The following COL21A1 variants were observed in gnomAD, a reference collection of about 807,000 sequenced individuals.
COL21A1 encodes collagen type XXI alpha 1 chain, also known as collagen alpha-1(XXI) chain.
In COL21A1, 149 loss-of-function variants were observed where a neutral mutation model predicts 137.9. The ratio of observed to expected loss-of-function variants is 1.08; its 90% CI spans 0.95 to 1.24. COL21A1 has a LOEUF of 1.24. COL21A1 is among the 50% of genes most tolerant of loss of function. The probability of loss-of-function intolerance (pLI) is 0.00; values close to 1 mark genes in which losing one functional copy is unlikely to be tolerated. For missense variants in COL21A1, 1,167 were observed against 1,158.4 expected (o/e 1.01, Z -0.11); for synonymous variants, 456 against 391.5 (o/e 1.16, Z -1.95).
chr6:56,178,923 GAA>G (rs1777688244), intron 3 of COL21A1, among the ~76,000 whole-genome samples: 1 of 152,014 alleles, frequency 6.6e-6, no homozygotes, highest in Admixed American at 6.5e-5. Context: ...AAGAAATAAT[GAA>G]ATTCTAGCTC....
At chr6:56,245,100 G>A (rs1782565914) in intron 1 of COL21A1, among the ~76,000 whole-genome samples, 1 of 151,740 alleles carries the variant, frequency 6.6e-6, no homozygotes, top group South Asian at 2.1e-4. Context: ...AACTGGATAG[G>A]GTTTCCTTTA....
intron 14 of COL21A1, among the ~76,000 whole-genome samples, chr6:56,124,627 G>C (rs4715579): frequency 4.0e-5 from 6 of 149,218 alleles, no homozygotes; most frequent in African/African-American, 1.5e-4. Context: ...CAGTGGACAT[G>C]TTTTTTGTTT....
At chr6:56,211,138 T>A (rs1217654732) in intron 1 of COL21A1, among the ~76,000 whole-genome samples, 1 of 147,366 alleles carries the variant, frequency 6.8e-6, no homozygotes, top group Non-Finnish European at 1.5e-5. Flanking sequence ...CAAGAGCAAA[T>A]TCTATATTTG....
At chr6:56,064,691 A>G in intron 23 of COL21A1, 69 bp from the exon 24 acceptor site, 1 of 939,396 alleles carries the variant, frequency 1.1e-6, no homozygotes. Context: ...TGCAATACAA[A>G]CTATGTATTA....
chr6:56,230,705 C>T (rs1781507450), intron 1 of COL21A1, among the ~76,000 whole-genome samples: 1 of 151,514 alleles, frequency 6.6e-6, no homozygotes, highest in South Asian at 2.1e-4. Context: ...TAACTCCTTA[C>T]CACATGCTTA....
chr6:56,292,392 C>CCT lies in COL21A1; in HGVS notation c.-39+101578_-39+101579insAG, dbSNP rs1554179582. Among the ~76,000 whole-genome samples, 56 of 39,342 alleles carry CCT rather than the reference C, an allele frequency of 1.4e-3. 2 individuals are homozygous for CCT. The Admixed American group carries it at 0.023, about 16-fold the overall frequency. 25.8% of individuals were successfully genotyped at this position (39,342 alleles called of 152,430 possible). The stretch of plus-strand genomic sequence containing the variant: ...GTAATTAATATCAACAAAACAGGGA[C>CCT]CCCCCCCCTCCCCCGCCAAAGAGAG... On this transcript the variant is annotated intron_variant, in intron 1 of 28. Transcript: ENST00000370819.
intron 1 of COL21A1, among the ~76,000 whole-genome samples, chr6:56,188,401 T>C (rs1285437557): frequency 6.6e-6 from 1 of 152,190 alleles, no homozygotes; most frequent in Non-Finnish European, 1.5e-5. Flanking sequence ...ACAATCAATA[T>C]ACAAGTTGTG....
intron 1 of COL21A1, among the ~76,000 whole-genome samples, chr6:56,318,474 C>T (rs959087933): frequency 6.6e-6 from 1 of 152,120 alleles, no homozygotes; most frequent in Non-Finnish European, 1.5e-5. Flanking sequence ...CTTCACCACT[C>T]TTATAACTCT....
rs2093994578 is a variant in COL21A1 at position 56,373,913 on chromosome 6, T to C, written c.-39+20058A>G. Among the ~76,000 whole-genome samples the C allele has an allele frequency of 2.0e-5, 3 of 152,364 alleles. No homozygotes were observed. The South Asian group carries it at 6.2e-4, about 32-fold the overall frequency. ...TCCTCGTAAACAGGCTTTTAATAAA[T>C]TTATTTTCTGCTTAAATCATCCAGA... On this transcript the variant is annotated intron_variant, in intron 1 of 28. Transcript: ENST00000370819.
At chr6:56,382,861 T>C (rs2094011100) in intron 1 of COL21A1, among the ~76,000 whole-genome samples, 1 of 152,168 alleles carries the variant, frequency 6.6e-6, no homozygotes, top group Non-Finnish European at 1.5e-5. Context: ...ACCAAGGCAC[T>C]GCCTCTCCTT....
rs532822117 is a variant in COL21A1, at chr6:56,304,108, T to A, written c.-39+89863A>T. ...CACTTGATCATGGTGGATAAGCTTT[T>A]TGACGTGCTGCTGGATTCGGTTTGT... On this transcript the variant is annotated intron_variant, in intron 1 of 28. Coordinates refer to the COL21A1 transcript ENST00000370819. Among the ~76,000 whole-genome samples the A allele has an allele frequency of 2.2e-3, 337 of 152,360 alleles. 2 individuals are homozygous for A. The highest frequency in any genetic ancestry group is 7.7e-3 in the African/African-American group (320 of 41,578).
chr6:56,172,810 A>T (rs551422921), intron 3 of COL21A1, among the ~76,000 whole-genome samples: 1 of 152,304 alleles, frequency 6.6e-6, no homozygotes, highest in African/African-American at 2.4e-5. Flanking sequence ...GAATATTTAT[A>T]TGTAATTTAA....
intron 16 of COL21A1, among the ~76,000 whole-genome samples, chr6:56,105,121 A>G (rs1770773060): frequency 6.6e-6 from 1 of 152,174 alleles, no homozygotes; most frequent in African/African-American, 2.4e-5. Context: ...CAGACAGGAC[A>G]TTTGGAAGGT....
chr6:56,332,681 T>A (rs1314920441), intron 1 of COL21A1, among the ~76,000 whole-genome samples: 1 of 151,822 alleles, frequency 6.6e-6, no homozygotes, highest in East Asian at 1.9e-4. Flanking sequence ...AACACTAGGT[T>A]ATATGTTTTT....
intron 1 of COL21A1, among the ~76,000 whole-genome samples, chr6:56,320,121 A>G (rs1276890028): frequency 3.9e-5 from 6 of 151,940 alleles, no homozygotes; most frequent in Admixed American, 3.9e-4. Context: ...CCATCCCCCA[A>G]ATTATGTCTC....
rs992882562 is a variant in COL21A1, at chr6:56,059,180, G to T, written c.2671C>A (p.Pro891Thr). ...CAATTCTCACCTGGGGGACCAGGAG[G>T]ACCTTGTTCTCCAGGATACCCAAAC... ...QGFGYPGEQGPPGPPGPEGPP... is the reference protein window; with the variant it reads ...QGFGYPGEQGTPGPPGPEGPP... The change falls in exon 29 of 30, where the codon CCT (proline) becomes ACT (threonine). Residue 891 changes from proline (P) to threonine (T), a missense_variant. By Grantham distance (38) the Pro-to-Thr change is conservative (BLOSUM62 -1). Transcript: ENST00000244728. The T allele has an allele frequency of 6.2e-7, 1 of 1,611,772 alleles. No homozygotes were observed. Among genetic ancestry groups the T allele is most frequent in the African/African-American group, 1.3e-5 (1 of 74,768 alleles).
intron 1 of COL21A1, among the ~76,000 whole-genome samples, chr6:56,262,697 G>T (rs1763306330): frequency 6.6e-6 from 1 of 152,080 alleles, no homozygotes; most frequent in African/African-American, 2.4e-5. Flanking sequence ...TTTGTGACAA[G>T]CTACAAACTT....
At chr6:56,216,192 A>T (rs1391335930) in intron 1 of COL21A1, among the ~76,000 whole-genome samples, 3 of 152,112 alleles carry the variant, frequency 2.0e-5, no homozygotes, top group African/African-American at 7.2e-5. Flanking sequence ...GACAGAACAC[A>T]TGTGGAACAC....
intron 1 of COL21A1, among the ~76,000 whole-genome samples, chr6:56,201,293 A>G (rs1348965231): frequency 6.6e-6 from 1 of 152,098 alleles, no homozygotes; most frequent in African/African-American, 2.4e-5. Flanking sequence ...TGCTGTGCAG[A>G]AGCTCTTTAG....
Sources: allele counts gnomAD v4.1 joint callset (sites outside exome capture counted in the v4.1 genomes callset), GRCh38; gene constraint gnomAD v4.1.1; transcripts MANE v1.5; gene names NCBI Gene and HGNC (gene_info 2026-07-23, HGNC 2026-07-21).